The following MYO1E variants were observed in gnomAD, a reference collection of about 807,000 sequenced individuals.
MYO1E encodes the protein unconventional myosin-Ie.
Under a neutral mutation model 151.1 loss-of-function variants are expected in MYO1E, and 68 were observed. The ratio of observed to expected loss-of-function variants is 0.45; its 90% CI spans 0.37 to 0.55. The LOEUF is 0.55. Ranked by LOEUF, MYO1E falls within the 20% of genes least tolerant of loss-of-function variation. MYO1E has a pLI of 0.00. For missense variants in MYO1E, 1,363 were observed against 1,389.3 expected (o/e 0.98, Z 0.30); for synonymous variants, 601 against 501.7 (o/e 1.20, Z -2.64).
At chr15:59,366,310 T>TTCTC (rs1182750782) in intron 1 of MYO1E, among the ~76,000 whole-genome samples, 105 of 128,438 alleles carry the variant, frequency 8.2e-4, no homozygotes, top group African/African-American at 2.7e-3. Flanking sequence ...CTCTCTCTCT[T>TTCTC]TCTCTCTCTC....
chr15:59,238,787 G>T (rs2080081697), intron 4 of MYO1E, among the ~76,000 whole-genome samples: 1 of 151,786 alleles, frequency 6.6e-6, no homozygotes, highest in South Asian at 2.1e-4. Context: ...AGCCAGACTG[G>T]TCCCAACTCC....
chr15:59,268,178 G>A (rs1297651693), intron 2 of MYO1E, among the ~76,000 whole-genome samples: 1 of 152,178 alleles, frequency 6.6e-6, no homozygotes, highest in Non-Finnish European at 1.5e-5. Flanking sequence ...ACATTGAAGT[G>A]TTAAAGGATG....
chr15:59,287,098 T>C (rs1195339608), intron 1 of MYO1E, among the ~76,000 whole-genome samples: 1 of 137,368 alleles, frequency 7.3e-6, no homozygotes, highest in African/African-American at 3.6e-5. Context: ...TATCTTGCTG[T>C]TTCTTCTGAT....
chr15:59,170,883 C>G (rs2079589140), intron 22 of MYO1E, among the ~76,000 whole-genome samples: 1 of 152,150 alleles, frequency 6.6e-6, no homozygotes, highest in Non-Finnish European at 1.5e-5. Context: ...AAAACCCCTG[C>G]TTTTTCCTGA....
chr15:59,214,552 T>C (rs2079901781), intron 11 of MYO1E, 88 bp downstream of exon 11: 1 of 1,298,394 alleles, frequency 7.7e-7, no homozygotes, highest in Non-Finnish European at 1.1e-6. Flanking sequence ...TTCTGTTTTT[T>C]TGTTTTTGCA....
chr15:59,269,652 T>C (rs551232219), intron 2 of MYO1E, among the ~76,000 whole-genome samples: 2 of 151,788 alleles, frequency 1.3e-5, no homozygotes, highest in East Asian at 1.9e-4. Flanking sequence ...GGTGAAGAGA[T>C]TGAGACCATC....
At chr15:59,242,686 G>C (rs2080107225) in intron 4 of MYO1E, among the ~76,000 whole-genome samples, 2 of 152,170 alleles carry the variant, frequency 1.3e-5, no homozygotes, top group Admixed American at 1.3e-4. Flanking sequence ...GAAGGATGTT[G>C]TCATGATCTG....
chr15:59,270,489 G>T (rs2080282748), intron 2 of MYO1E, among the ~76,000 whole-genome samples: 1 of 149,456 alleles, frequency 6.7e-6, no homozygotes, highest in African/African-American at 2.5e-5. Context: ...GTTGCAGTGA[G>T]CTGGGATCGT....
At chr15:59,334,275 C>T (rs1484946149) in intron 1 of MYO1E, among the ~76,000 whole-genome samples, 1 of 152,008 alleles carries the variant, frequency 6.6e-6, no homozygotes, top group Non-Finnish European at 1.5e-5. Context: ...CCAAATGAGA[C>T]CCTGTCTCAA....
intron 3 of MYO1E, among the ~76,000 whole-genome samples, chr15:59,258,255 G>A (rs1232012993): frequency 6.6e-6 from 1 of 152,226 alleles, no homozygotes; most frequent in African/African-American, 2.4e-5. Flanking sequence ...GCTGAGGCAG[G>A]AGAATTGCTT....
intron 2 of MYO1E, among the ~76,000 whole-genome samples, chr15:59,267,216 G>A (rs920665449): frequency 2.1e-4 from 2 of 9,636 alleles, no homozygotes; most frequent in South Asian, 5.9e-3. Context: ...AGTAGAGACG[G>A]GGTTTTCACC....
intron 4 of MYO1E, among the ~76,000 whole-genome samples, chr15:59,239,707 T>C (rs1373985653): frequency 1.6e-4 from 25 of 152,224 alleles, no homozygotes; most frequent in Admixed American, 9.2e-4. Flanking sequence ...GCAACTATGA[T>C]CTTTTCCAGC....
chr15:59,176,540 T>G (rs2140318852), intron 19 of MYO1E, among the ~76,000 whole-genome samples: 1 of 151,450 alleles, frequency 6.6e-6, no homozygotes, highest in East Asian at 2.0e-4. Flanking sequence ...TAGCTCACTG[T>G]AACCTTGAAC....
At chr15:59,239,767 C>T (rs1226685315) in intron 4 of MYO1E, among the ~76,000 whole-genome samples, 1 of 152,154 alleles carries the variant, frequency 6.6e-6, no homozygotes, top group African/African-American at 2.4e-5. Context: ...ATTTTCATTA[C>T]TTGGTTTCAA....
At chr15:59,170,504 C>T (rs1376250577) in intron 22 of MYO1E, among the ~76,000 whole-genome samples, 3 of 152,036 alleles carry the variant, frequency 2.0e-5, no homozygotes, top group Non-Finnish European at 2.9e-5. Context: ...GGCCAGCAGG[C>T]ACTGCCCCGC....
At chr15:59,317,778 G>C (rs1567012919) in intron 1 of MYO1E, among the ~76,000 whole-genome samples, 1 of 152,192 alleles carries the variant, frequency 6.6e-6, no homozygotes, top group African/African-American at 2.4e-5. Flanking sequence ...AGAAGAGATG[G>C]AGAGAATGCT....
chr15:59,316,909 C>T (rs924948062), intron 1 of MYO1E, among the ~76,000 whole-genome samples: 3 of 152,172 alleles, frequency 2.0e-5, no homozygotes, highest in African/African-American at 7.2e-5. Context: ...AGATACCACT[C>T]CTAAATGTAA....
At chr15:59,169,989 GTC>G (rs1389502667) in intron 22 of MYO1E, among the ~76,000 whole-genome samples, 2 of 152,052 alleles carry the variant, frequency 1.3e-5, no homozygotes, top group African/African-American at 4.8e-5. Context: ...GTGAAACCTT[GTC>G]TCTCACTAAA....
At chr15:59,195,352 A>C in intron 17 of MYO1E, 109 bp downstream of exon 17, 1 of 976,378 alleles carries the variant, frequency 1.0e-6, no homozygotes, top group Non-Finnish European at 1.7e-6. Flanking sequence ...AGGGCATGAC[A>C]AAGACATGTG....
Sources: gnomAD v4.1 joint callset for allele counts (sites outside exome capture counted in the v4.1 genomes callset) on GRCh38, gnomAD v4.1.1 for gene constraint, MANE v1.5 for transcripts, NCBI Gene and HGNC (gene_info 2026-07-23, HGNC 2026-07-21) for gene names.